FARP1: variants seen among roughly 807,000 people sequenced by gnomAD.
FARP1 encodes FERM, ARH/RhoGEF and pleckstrin domain protein 1.
FARP1 carries 52 observed loss-of-function variants against 128.8 expected under a neutral mutation model. The observed-to-expected ratio is 0.40, with a 90% confidence interval of 0.32 to 0.51. The LOEUF (loss-of-function observed/expected upper bound fraction) is 0.51, where lower values mean the gene tolerates loss of function less well. Among genes scored for constraint, FARP1 ranks in the 20% least tolerant of loss-of-function variants. The pLI is 0.45. For synonymous variants in FARP1, 580 were observed against 551.8 expected, an observed-to-expected ratio of 1.05 and a Z score of -0.72; for missense variants, 1,333 against 1,367.9, an observed-to-expected ratio of 0.97 and a Z score of 0.40.
chr13:98,444,643 C>T (rs1892707556), intron 24 of FARP1, among the ~76,000 whole-genome samples: 1 of 152,206 alleles, frequency 6.6e-6, no homozygotes, highest in African/African-American at 2.4e-5. Context: ...CTGGATGTGC[C>T]TATTGATAAA....
At position 98,261,849 on chromosome 13, in the gene FARP1, A is replaced by G. The variant is rs1214913744; in HGVS notation, c.171+48436A>G. 2.0e-5 allele frequency among the ~76,000 whole-genome samples: 3 copies of G among 152,084 alleles called. No individual in the cohort carries two copies. The East Asian group carries it at 5.8e-4, about 29-fold the overall frequency. Reference sequence around the variant, plus strand: ...GTTGCTGTGGGGAGGGCATCAAGCCATTCATGAGGGATCCACTCCCATGAC... The same window carrying G: ...GTTGCTGTGGGGAGGGCATCAAGCCGTTCATGAGGGATCCACTCCCATGAC... On this transcript the variant is annotated intron_variant, in intron 2 of 26. Transcript: ENST00000319562.
intron 2 of FARP1, among the ~76,000 whole-genome samples, chr13:98,249,659 G>A (rs886463426): frequency 3.3e-5 from 5 of 152,016 alleles, no homozygotes; most frequent in African/African-American, 9.7e-5. Context: ...ATGTCACTCA[G>A]GCCTATGTCT....
chr13:98,183,858 G>A (rs534222861), intron 1 of FARP1, among the ~76,000 whole-genome samples: 1 of 152,192 alleles, frequency 6.6e-6, no homozygotes, highest in South Asian at 2.1e-4. Flanking sequence ...GCTTTTAGGA[G>A]GCTTGTGTGT....
intron 1 of FARP1, among the ~76,000 whole-genome samples, chr13:98,174,138 CTA>C (rs1291311805): frequency 1.3e-5 from 2 of 152,214 alleles, no homozygotes; most frequent in African/African-American, 4.8e-5. Context: ...TTTACCCACT[CTA>C]TGTTAGTAAA....
At chr13:98,397,761 G>A (rs1890603708) in intron 13 of FARP1, 1 of 152,090 alleles carries the variant, frequency 6.6e-6, no homozygotes, top group Non-Finnish European at 1.5e-5. Context: ...TACCCAGGCT[G>A]TCTCGAATCT....
Position 98,453,035 on chromosome 13 carries a change from A to ACGGG in FARP1, c.*4721_*4724dup, listed in dbSNP as rs766437700. The stretch of plus-strand genomic sequence containing the variant: ...CAGTGAAGACTGTGTGTGTCCCTGG[A>ACGGG]CGGGCGCCTGGCGCTGGGGTGGCTC... On this transcript the variant is annotated 3_prime_UTR_variant, in exon 27 of 27. Transcript: ENST00000319562. 934 of 887,000 alleles carry ACGGG rather than the reference A, an allele frequency of 1.1e-3. 2 individuals carry two copies. Among genetic ancestry groups the ACGGG allele is most frequent in the Non-Finnish European group, 9.3e-4 (534 of 571,930 alleles). The allele number at this position is 887,000 out of a possible 1,614,324, so 54.9% of individuals were successfully genotyped here.
At chr13:98,387,536 T>G (rs1468744770) in intron 8 of FARP1, among the ~76,000 whole-genome samples, 2 of 152,204 alleles carry the variant, frequency 1.3e-5, no homozygotes, top group Non-Finnish European at 2.9e-5. Context: ...ATTGCTTCAT[T>G]CTTGCCACGT....
chr13:98,431,328 G>T (rs1892012460), intron 18 of FARP1, 48 bp downstream of exon 18: 5 of 1,370,992 alleles, frequency 3.6e-6, no homozygotes, highest in Non-Finnish European at 5.0e-6. Context: ...CACAGTTCAG[G>T]CCGGGTGCTC....
At chr13:98,251,805 AAGAT>A (rs1221950934) in intron 2 of FARP1, among the ~76,000 whole-genome samples, 1 of 152,174 alleles carries the variant, frequency 6.6e-6, no homozygotes, top group African/African-American at 2.4e-5. Flanking sequence ...AAACCATAAA[AAGAT>A]AGCAGATTGG....
intron 3 of FARP1, among the ~76,000 whole-genome samples, chr13:98,345,994 C>T (rs1171279700): frequency 6.6e-6 from 1 of 152,088 alleles, no homozygotes. Context: ...ATTATAGCCC[C>T]TTTTTCTGAT....
intron 1 of FARP1, among the ~76,000 whole-genome samples, chr13:98,198,802 C>T (rs1174321281): frequency 4.0e-5 from 6 of 149,172 alleles, no homozygotes; most frequent in Non-Finnish European, 8.9e-5. Flanking sequence ...TGCTTGAACC[C>T]AGGAGGCCAA....
intron 24 of FARP1, 126 bp from the exon 25 acceptor site, chr13:98,445,972 G>A (rs1326192526): frequency 1.6e-6 from 1 of 636,290 alleles, no homozygotes; most frequent in Admixed American, 2.8e-5. Flanking sequence ...GGGAGCGGGG[G>A]TGGGGCCCAC....
intron 1 of FARP1, among the ~76,000 whole-genome samples, chr13:98,159,979 T>A (rs1876764524): frequency 1.3e-5 from 2 of 152,230 alleles, no homozygotes; most frequent in Admixed American, 6.5e-5. Flanking sequence ...CAATTTTGTT[T>A]TCCTTCAAGG....
intron 1 of FARP1, among the ~76,000 whole-genome samples, chr13:98,170,550 G>GT (rs913760107): frequency 1.3e-5 from 2 of 151,642 alleles, no homozygotes; most frequent in African/African-American, 4.8e-5. Flanking sequence ...TAGAGATGGG[G>GT]TTTCACCGTG....
intron 2 of FARP1, among the ~76,000 whole-genome samples, chr13:98,330,903 C>T (rs1285470878): frequency 6.6e-6 from 1 of 152,152 alleles, no homozygotes; most frequent in Admixed American, 6.5e-5. Flanking sequence ...ATGTGAGGCT[C>T]TCTAGGTTTG....
intron 5 of FARP1, among the ~76,000 whole-genome samples, chr13:98,368,873 CACCATCGTCATT>C (rs1383844018): frequency 6.6e-6 from 1 of 152,002 alleles, no homozygotes; most frequent in African/African-American, 2.4e-5. Context: ...CCATCATCAT[CACCATCGTCATT>C]ATCACCATCA....
At chr13:98,281,533 T>C (rs1884937539) in intron 2 of FARP1, among the ~76,000 whole-genome samples, 1 of 152,190 alleles carries the variant, frequency 6.6e-6, no homozygotes, top group African/African-American at 2.4e-5. Context: ...CTGTATTCAC[T>C]ACAGTCCACA....
chr13:98,265,160 G>C (rs868160978), intron 2 of FARP1, among the ~76,000 whole-genome samples: 1 of 152,160 alleles, frequency 6.6e-6, no homozygotes, highest in African/African-American at 2.4e-5. Context: ...AGCATGTGAA[G>C]GTGGTATTAA....
chr13:98,374,666 A>T (rs1889502714), intron 5 of FARP1, among the ~76,000 whole-genome samples: 1 of 152,200 alleles, frequency 6.6e-6, no homozygotes, highest in Non-Finnish European at 1.5e-5. Context: ...TTTTTCCAAA[A>T]CTGGAAGTCA....
Sources: allele counts gnomAD v4.1 joint callset (sites outside exome capture counted in the v4.1 genomes callset), GRCh38; gene constraint gnomAD v4.1.1; transcripts MANE v1.5; gene names NCBI Gene and HGNC (gene_info 2026-07-23, HGNC 2026-07-21).